INPP5B: variants seen among roughly 807,000 people sequenced by gnomAD.
INPP5B encodes the protein inositol polyphosphate-5-phosphatase B.
INPP5B carries 90 observed loss-of-function variants against 118.5 expected under a neutral mutation model. The observed-to-expected ratio is 0.76, with a 90% CI of 0.64 to 0.90. INPP5B has a LOEUF of 0.90. INPP5B is among the 40% of genes least tolerant of loss of function. INPP5B has a pLI of 0.00. For synonymous variants in INPP5B, 385 were observed against 418.9 expected (o/e 0.92, Z 0.99); for missense variants, 984 against 1,125.6 (o/e 0.87, Z 1.80).
In INPP5B at chr1:37,945,814, G is replaced by C; in HGVS notation, c.94C>G (p.Gln32Glu). ...CGCACGAGTCCCAGGAGGCGGCTCT[G>C]CCGGCTGTCCCCCTCACACAGCACA... is the stretch of plus-strand genomic sequence containing the variant. ...QGVLCEGDSRQSRLLGLVRYR... is the reference protein window; with the variant it reads ...QGVLCEGDSRESRLLGLVRYR... Residue 32 changes from glutamine to glutamate, a missense_variant, in exon 3 of 24, where the codon CAG becomes GAG. Physicochemically the swap from Gln to Glu is conservative, Grantham distance 29. Around this residue, in one of 2 missense-constraint regions of INPP5B, gnomAD observed 350 missense variants for 334.6 expected, o/e 1.05. Transcript: ENST00000373024. 1 of 1,614,026 alleles carries C rather than the reference G, an allele frequency of 6.2e-7. No homozygotes were observed. Among genetic ancestry groups the C allele is most frequent in the Non-Finnish European group, 8.5e-7 (1 of 1,179,998 alleles).
At chr1:37,883,989 C>G (rs1643366164) in intron 13 of INPP5B, 1 of 348,362 alleles carries the variant, frequency 2.9e-6, no homozygotes, top group African/African-American at 2.2e-5. Context: ...AAAATGAGCA[C>G]AAGATGCTCT....
chr1:37,890,252 A>G (rs1002785530), intron 8 of INPP5B, among the ~76,000 whole-genome samples: 1 of 152,202 alleles, frequency 6.6e-6, no homozygotes, highest in East Asian at 1.9e-4. Context: ...GCACATGCCT[A>G]TAATCCCAGC....
intron 7 of INPP5B, chr1:37,929,645 AG>A (rs1645372309): frequency 1.3e-5 from 2 of 152,242 alleles, no homozygotes; most frequent in Admixed American, 6.5e-5. Flanking sequence ...AATAGAACTG[AG>A]GGGCTTGATA....
chr1:37,920,486 GA>G (rs1434024809), intron 7 of INPP5B, among the ~76,000 whole-genome samples: 3 of 151,888 alleles, frequency 2.0e-5, no homozygotes, highest in African/African-American at 7.3e-5. Context: ...CCAACATGGA[GA>G]AACCCTGTCT....
chr1:37,908,976 TCA>T (rs1254750288), intron 7 of INPP5B, among the ~76,000 whole-genome samples: 1 of 152,116 alleles, frequency 6.6e-6, no homozygotes, highest in Non-Finnish European at 1.5e-5. Flanking sequence ...CCTCTTCAAC[TCA>T]CACCTGACCT....
rs150292256 is a variant in INPP5B at position 37,936,243 on chromosome 1, C to T, written c.392-4190G>A. Among the ~76,000 whole-genome samples the T allele has an allele frequency of 1.4e-3, 211 of 152,250 alleles. 1 individual carries two copies. The highest frequency in any genetic ancestry group is 4.7e-3 in the African/African-American group (197 of 41,542). ...AGTTCAGTCCCCACCAAAGGTCCTG[C>T]CCTTCCCTCCGACTGCCAAGCCCTT... On this transcript the variant is annotated intron_variant, in intron 6 of 23. Coordinates refer to ENST00000373024, the MANE Select transcript of INPP5B (RefSeq NM_005540.3).
intron 7 of INPP5B, among the ~76,000 whole-genome samples, chr1:37,905,405 AAAAT>A (rs534478449): frequency 1.3e-5 from 2 of 152,238 alleles, no homozygotes; most frequent in Non-Finnish European, 2.9e-5. Flanking sequence ...TTCTGTCTCA[AAAAT>A]AAATAAATAA....
At position 37,872,976 on chromosome 1, in the gene INPP5B, A is replaced by T. The variant is rs759286242; in HGVS notation, c.2141T>A (p.Met714Lys). The T allele has an allele frequency of 1.8e-5, 29 of 1,614,036 alleles. No individual in the cohort carries two copies. The African/African-American group carries it at 2.1e-4, about 12-fold the overall frequency. Residue 714 changes from methionine (M) to lysine (K), a missense_variant, in exon 19 of 24, where the codon ATG (methionine) becomes AAG (lysine). Around this residue, in one of 2 missense-constraint regions of INPP5B, gnomAD observed 634 missense variants for 791.0 expected, o/e 0.80. Coordinates refer to ENST00000373024, the MANE Select transcript of INPP5B (RefSeq NM_005540.3). ...TGGTAGGTCCAAGATTGGCTCTCTCATGTAACACAGTGTATGAATGGGAGA... is the reference window on the plus strand; with the variant it reads ...TGGTAGGTCCAAGATTGGCTCTCTCTTGTAACACAGTGTATGAATGGGAGA... ...FGSPIHTLCY[M>K]REPILDLPLE... is the part of the protein sequence containing the mutation.
chr1:37,927,914 G>A (rs1422025724), intron 7 of INPP5B, among the ~76,000 whole-genome samples: 1 of 152,142 alleles, frequency 6.6e-6, no homozygotes, highest in Non-Finnish European at 1.5e-5. Flanking sequence ...AGAAAAGAAA[G>A]GACATTTTGA....
intron 6 of INPP5B, among the ~76,000 whole-genome samples, chr1:37,934,716 C>T (rs1570382680): frequency 6.6e-6 from 1 of 152,142 alleles, no homozygotes; most frequent in Non-Finnish European, 1.5e-5. Flanking sequence ...CTGCTGGTTA[C>T]CCCAGGTGTG....
chr1:37,887,690 T>C (rs1256270870), intron 10 of INPP5B, among the ~76,000 whole-genome samples: 1 of 152,192 alleles, frequency 6.6e-6, no homozygotes, highest in African/African-American at 2.4e-5. Context: ...ATGAAGTAGT[T>C]CGAAGTGTCC....
chr1:37,867,998 A>G (rs1403569549), intron 20 of INPP5B, among the ~76,000 whole-genome samples: 1 of 152,146 alleles, frequency 6.6e-6, no homozygotes, highest in Non-Finnish European at 1.5e-5. Context: ...TGGGCTTCCT[A>G]TGCAACGCTG....
rs1163590638 is a variant in INPP5B, at chr1:37,899,517, G to A, written c.533-8063C>T. Among the ~76,000 whole-genome samples, 7 of 151,946 alleles carry A rather than the reference G, an allele frequency of 4.6e-5. No individual in the cohort carries two copies. In the East Asian group the frequency reaches 9.6e-4, roughly 21 times the overall value. On this transcript the variant is annotated intron_variant, in intron 7 of 23. Transcript: ENST00000373024. ...GCAGAGGTTGCGGTGAGCCGAGATC[G>A]CACCATTGCTCTCCAGCCTGGGCAA...
intron 7 of INPP5B, among the ~76,000 whole-genome samples, chr1:37,911,132 G>A (rs1196970898): frequency 2.0e-5 from 3 of 152,154 alleles, no homozygotes; most frequent in Admixed American, 6.5e-5. Flanking sequence ...TAGCCCTTAC[G>A]TCTGCGTGTG....
chr1:37,885,617 G>T (rs761061000), intron 13 of INPP5B, 21 bp downstream of exon 13: 1 of 1,610,212 alleles, frequency 6.2e-7, no homozygotes, highest in South Asian at 1.1e-5. Context: ...TGAACCGCAT[G>T]GGGTGGAAGC....
In INPP5B at chr1:37,889,741, A is replaced by AT. The variant is rs773597260; in HGVS notation, c.630-18dup. Reference sequence around the variant, plus strand: ...TTATTCTGTCTGGAAAAACAGAAGTATTTTTTTCATATGTGGATGAGTCCC... The same window carrying AT: ...TTATTCTGTCTGGAAAAACAGAAGTATTTTTTTTCATATGTGGATGAGTCCC... On this transcript the variant is annotated splice_polypyrimidine_tract_variant and intron_variant, in intron 8 of 23. Coordinates refer to ENST00000373024, the MANE Select transcript of INPP5B (RefSeq NM_005540.3). 9 of 1,596,080 alleles carry AT rather than the reference A, an allele frequency of 5.6e-6. No homozygotes were observed. The highest frequency in any genetic ancestry group is 1.7e-5 in the Admixed American group (1 of 58,070).
rs184244368 is a variant in INPP5B at position 37,870,963 on chromosome 1, T to G, written c.2187+1967A>C. Among the ~76,000 whole-genome samples, 825 of 152,074 alleles carry G rather than the reference T, an allele frequency of 5.4e-3. 5 individuals are homozygous for G. Among genetic ancestry groups the G allele is most frequent in the African/African-American group, 0.019 (798 of 41,468 alleles). ...TGAGGTCAGGAGTTCGAGACCGGCC[T>G]GGCCAACATGGCGAAACCCCGTCTC... On this transcript the variant is annotated intron_variant, in intron 19 of 23. Coordinates refer to ENST00000373024, the MANE Select transcript of INPP5B (RefSeq NM_005540.3).
At chr1:37,935,206 A>G (rs1381756359) in intron 6 of INPP5B, among the ~76,000 whole-genome samples, 1 of 115,898 alleles carries the variant, frequency 8.6e-6, no homozygotes, top group Non-Finnish European at 1.7e-5. Flanking sequence ...ATCTCAAAAA[A>G]AAAAAGATGG....
At chr1:37,933,579 G>T (rs1361585351) in intron 6 of INPP5B, among the ~76,000 whole-genome samples, 2 of 149,966 alleles carry the variant, frequency 1.3e-5, no homozygotes, top group African/African-American at 4.9e-5. Context: ...AATTAGCCGG[G>T]TGTGGTGGCG....
Sources: allele counts gnomAD v4.1 joint callset (sites outside exome capture counted in the v4.1 genomes callset), GRCh38; gene constraint gnomAD v4.1.1; regional missense constraint gnomAD v4.1.1; transcripts MANE v1.5; gene names NCBI Gene and HGNC (gene_info 2026-07-23, HGNC 2026-07-21).